Variants in KIAA1958 observed in about 807,000 individuals in gnomAD.
The protein encoded by KIAA1958 is KIAA1958.
Under a neutral mutation model 47.2 loss-of-function variants are expected in KIAA1958, and 14 were observed. That is an observed-to-expected ratio of 0.30 (90% CI 0.20 to 0.46). KIAA1958 has a LOEUF of 0.46. Among genes scored for constraint, KIAA1958 ranks in the 20% least tolerant of loss-of-function variants. The pLI is 1.00. For synonymous variants in KIAA1958, 354 were observed against 353.3 expected (o/e 1.00, Z -0.02); for missense variants, 803 against 909.2 (o/e 0.88, Z 1.50).
At chr9:112,616,786 A>G (rs112174469) in intron 2 of KIAA1958, among the ~76,000 whole-genome samples, 7 of 151,900 alleles carry the variant, frequency 4.6e-5, no homozygotes, top group African/African-American at 1.7e-4. Flanking sequence ...TTTTACTGAA[A>G]TGAAACCATG....
intron 2 of KIAA1958, among the ~76,000 whole-genome samples, chr9:112,596,684 C>T (rs1420584803): frequency 1.3e-5 from 2 of 152,148 alleles, no homozygotes; most frequent in Non-Finnish European, 1.5e-5. Context: ...GTTATTACTT[C>T]TTGGGTGGAA....
At chr9:112,593,667 C>T (rs1346480812) in intron 2 of KIAA1958, among the ~76,000 whole-genome samples, 1 of 152,028 alleles carries the variant, frequency 6.6e-6, no homozygotes, top group Non-Finnish European at 1.5e-5. Flanking sequence ...CCCACCTTGG[C>T]CTCTGAAAGT....
chr9:112,574,137 C>T lies in KIAA1958; in HGVS notation c.57C>T (p.Ala19=), dbSNP rs565100542. 6.2e-7 allele frequency: 1 copy of T among 1,613,214 alleles called. No homozygotes were observed. Among genetic ancestry groups the T allele is most frequent in the South Asian group, 1.1e-5 (1 of 90,954 alleles). The change falls in exon 2 of 4, where the codon GCC becomes GCT. Residue 19 remains alanine (A), a synonymous_variant. Transcript: ENST00000337530. ...ATCTGTCCAAATTGGTCAGCTGGGC[C>T]CATAGCCATGGGACTATTTGCAGCC... ...SENLSKLVSW[A]HSHGTICSLI... is the part of the protein sequence containing the mutation.
intron 1 of KIAA1958, among the ~76,000 whole-genome samples, chr9:112,504,774 TTATG>T (rs975457592): frequency 1.3e-5 from 2 of 152,224 alleles, no homozygotes; most frequent in African/African-American, 2.4e-5. Flanking sequence ...ATGAAGTTTT[TTATG>T]TATGTATGTG....
In KIAA1958 at chr9:112,618,436, C is replaced by T. The variant is rs753364645; in HGVS notation, c.1172-27214C>T. ...GGCTCCGGGTAACAGAGACGGGTCT[C>T]GAGTACTTGGAGTGGATGGGTCAGG... On this transcript the variant is annotated intron_variant, in intron 2 of 3. Transcript: ENST00000337530. The surrounding 1 kb of genome is among the most constrained non-coding windows in gnomAD (Gnocchi z 7.1). The T allele has an allele frequency of 4.8e-5, 75 of 1,551,154 alleles. 1 individual carries two copies. In the South Asian group the frequency reaches 7.4e-4, roughly 15 times the overall value.
At chr9:112,530,787 G>A (rs146602091) in intron 1 of KIAA1958, among the ~76,000 whole-genome samples, 5 of 152,274 alleles carry the variant, frequency 3.3e-5, no homozygotes, top group African/African-American at 9.6e-5. Flanking sequence ...TATATATTCT[G>A]AGTGGTAAGA....
intron 2 of KIAA1958, among the ~76,000 whole-genome samples, chr9:112,604,881 G>A (rs1037007941): frequency 8.5e-4 from 126 of 147,778 alleles, no homozygotes; most frequent in Non-Finnish European, 1.6e-3. Context: ...ACAGGGCGTG[G>A]ACACTATATA....
chr9:112,595,879 G>A (rs370909820), intron 2 of KIAA1958, among the ~76,000 whole-genome samples: 15 of 151,252 alleles, frequency 9.9e-5, no homozygotes, highest in East Asian at 2.0e-4. Context: ...TCCGCCTCCC[G>A]GGTTCAAGTG....
chr9:112,596,806 A>T (rs1361456355), intron 2 of KIAA1958, among the ~76,000 whole-genome samples: 1 of 152,128 alleles, frequency 6.6e-6, no homozygotes, highest in Non-Finnish European at 1.5e-5. Flanking sequence ...TGTGCCATAC[A>T]TCTTTTGTTT....
chr9:112,643,951 G>T (rs1836935367), intron 2 of KIAA1958, among the ~76,000 whole-genome samples: 1 of 152,174 alleles, frequency 6.6e-6, no homozygotes, highest in Admixed American at 6.5e-5. Context: ...GCGGAGGTGG[G>T]CAGATCACCT....
intron 2 of KIAA1958, among the ~76,000 whole-genome samples, chr9:112,601,923 A>G (rs1405768968): frequency 6.6e-6 from 1 of 152,236 alleles, no homozygotes; most frequent in Non-Finnish European, 1.5e-5. Flanking sequence ...TCCAAATTTT[A>G]GAGCTCCTGA....
intron 1 of KIAA1958, among the ~76,000 whole-genome samples, chr9:112,561,949 G>C (rs1835338995): frequency 6.6e-6 from 1 of 152,204 alleles, no homozygotes; most frequent in African/African-American, 2.4e-5. Flanking sequence ...CTAAGGGCCT[G>C]TTTGCATGGC....
intron 2 of KIAA1958, among the ~76,000 whole-genome samples, chr9:112,634,353 C>T (rs573497749): frequency 1.2e-3 from 183 of 152,136 alleles, no homozygotes; most frequent in African/African-American, 4.2e-3. Context: ...CTCAGCCTCC[C>T]GAGTAGCTGG....
At chr9:112,616,402 A>G (rs1179012667) in intron 2 of KIAA1958, among the ~76,000 whole-genome samples, 2 of 152,264 alleles carry the variant, frequency 1.3e-5, no homozygotes, top group Non-Finnish European at 2.9e-5. Context: ...ATATATATGT[A>G]TAGTAATACA....
chr9:112,528,341 T>A (rs190028465), intron 1 of KIAA1958, among the ~76,000 whole-genome samples: 2 of 152,292 alleles, frequency 1.3e-5, no homozygotes, highest in Admixed American at 1.3e-4. Flanking sequence ...GGGGCCTATT[T>A]GCCTTTCTTT....
chr9:112,527,807 C>T (rs748354769), intron 1 of KIAA1958, among the ~76,000 whole-genome samples: 2 of 151,672 alleles, frequency 1.3e-5, no homozygotes, highest in African/African-American at 2.4e-5. Context: ...CATGGTGGTG[C>T]GTGCCTGTGG....
chr9:112,586,248 T>A (rs1835820301), intron 2 of KIAA1958, among the ~76,000 whole-genome samples: 2 of 152,230 alleles, frequency 1.3e-5, no homozygotes, highest in African/African-American at 4.8e-5. Flanking sequence ...AAATCTTTCT[T>A]AGGTGGAAAT....
intron 3 of KIAA1958, among the ~76,000 whole-genome samples, chr9:112,647,486 G>A (rs1187409358): frequency 1.3e-5 from 2 of 151,758 alleles, no homozygotes; most frequent in Non-Finnish European, 2.9e-5. Flanking sequence ...AAAAAAAACA[G>A]CGCTGAAGGA....
rs1323136923 is a variant in KIAA1958 at position 112,628,865 on chromosome 9, G to A, written c.1172-16785G>A. Among the ~76,000 whole-genome samples the A allele has an allele frequency of 3.3e-5, 5 of 152,164 alleles. No individual in the cohort carries two copies. The East Asian group carries it at 9.6e-4, about 29-fold the overall frequency. ...CACTGCCAAAGTTAGCAGTAGATTT[G>A]CTAGGTTAATGCCATGGTCAGTAAT... On this transcript the variant is annotated intron_variant, in intron 2 of 3. Transcript: ENST00000337530.
Sources: allele counts gnomAD v4.1 joint callset (sites outside exome capture counted in the v4.1 genomes callset), GRCh38; gene constraint gnomAD v4.1.1; non-coding constraint Gnocchi (gnomAD v3.1); transcripts MANE v1.5; gene names NCBI Gene and HGNC (gene_info 2026-07-23, HGNC 2026-07-21).